Variants in PRELID2 observed in about 807,000 individuals in gnomAD.
The protein encoded by PRELID2 is PRELI domain-containing protein 2.
A neutral mutation model predicts 28.4 loss-of-function variants in PRELID2; 25 were observed. That is an observed-to-expected ratio of 0.88 (90% CI 0.64 to 1.23). The LOEUF (loss-of-function observed/expected upper bound fraction) is 1.23, where lower values mean the gene tolerates loss of function less well. PRELID2 is among the 50% of genes most tolerant of loss of function. The probability of loss-of-function intolerance (pLI) is 0.00; values close to 1 mark genes in which losing one functional copy is unlikely to be tolerated. For missense variants in PRELID2, 201 were observed against 214.4 expected (o/e 0.94, Z 0.39); for synonymous variants, 76 against 71.6 (o/e 1.06, Z -0.31).
chr5:145,495,774 A>C (rs1369387513), intron 1 of PRELID2, among the ~76,000 whole-genome samples: 3 of 152,188 alleles, frequency 2.0e-5, no homozygotes, highest in Non-Finnish European at 4.4e-5. Flanking sequence ...TACTCATTAG[A>C]CTTTGCTGGG....
chr5:145,283,450 T>C, the PRELID2 span, among the ~76,000 whole-genome samples: 1 of 152,210 alleles, frequency 6.6e-6, no homozygotes, highest in Non-Finnish European at 1.5e-5. Flanking sequence ...TGGATGTTTA[T>C]TGGAAATCTG....
chr5:145,242,682 A>T, the PRELID2 span, among the ~76,000 whole-genome samples: 1 of 152,096 alleles, frequency 6.6e-6, no homozygotes, highest in Non-Finnish European at 1.5e-5. Flanking sequence ...CATTTGACCT[A>T]ATCCCAGCTT....
intron 1 of PRELID2, among the ~76,000 whole-genome samples, chr5:145,500,571 T>C (rs1752351213): frequency 6.6e-6 from 1 of 152,178 alleles, no homozygotes; most frequent in Admixed American, 6.5e-5. Flanking sequence ...CTGACATTCA[T>C]CAGCCCACAG....
At chr5:145,306,879 C>T in the PRELID2 span, among the ~76,000 whole-genome samples, 2 of 152,206 alleles carry the variant, frequency 1.3e-5, no homozygotes, top group East Asian at 1.9e-4. Flanking sequence ...AATGTTTATC[C>T]ATATAAATAA....
chr5:145,278,866 A>G, the PRELID2 span, among the ~76,000 whole-genome samples: 2 of 152,170 alleles, frequency 1.3e-5, no homozygotes, highest in Admixed American at 6.6e-5. Context: ...AAAGAAAGAT[A>G]TTTGAAGATC....
At chr5:145,748,920 A>G (rs765310228) in intron 1 of PRELID2, among the ~76,000 whole-genome samples, 1 of 152,228 alleles carries the variant, frequency 6.6e-6, no homozygotes, top group Non-Finnish European at 1.5e-5. Context: ...CTGGCTAGCC[A>G]TATACAGAAA....
chr5:145,485,637 G>T (rs957911787), intron 1 of PRELID2, among the ~76,000 whole-genome samples: 7 of 152,162 alleles, frequency 4.6e-5, no homozygotes, highest in Non-Finnish European at 8.8e-5. Context: ...TAAAATGGCA[G>T]TCTTAACCGC....
chr5:145,312,791 G>A, the PRELID2 span, among the ~76,000 whole-genome samples: 1 of 151,374 alleles, frequency 6.6e-6, no homozygotes, highest in African/African-American at 2.4e-5. Context: ...TCCATATTTT[G>A]ATTATTATGA....
chr5:145,709,659 G>A (rs1230969906), intron 1 of PRELID2, among the ~76,000 whole-genome samples: 1 of 151,132 alleles, frequency 6.6e-6, no homozygotes, highest in African/African-American at 2.4e-5. Context: ...ATAATAACAA[G>A]ACAGGAATTT....
chr5:145,699,299 C>A (rs191396453), intron 1 of PRELID2, among the ~76,000 whole-genome samples: 2 of 151,986 alleles, frequency 1.3e-5, no homozygotes, highest in Non-Finnish European at 2.9e-5. Flanking sequence ...CATGTCAGAA[C>A]GCTGAGGATT....
At chr5:145,469,625 T>C (rs1347277409), downstream of PRELID2, among the ~76,000 whole-genome samples, 2 of 152,068 alleles carry the variant, frequency 1.3e-5, no homozygotes, top group Non-Finnish European at 2.9e-5. Flanking sequence ...ACCGAACTGA[T>C]AGATGGAAGC....
At chr5:145,442,686 A>G in the PRELID2 span, among the ~76,000 whole-genome samples, 1 of 152,126 alleles carries the variant, frequency 6.6e-6, no homozygotes, top group East Asian at 1.9e-4. Context: ...TCTTCAACAT[A>G]ACATTTGTAT....
intron 1 of PRELID2, among the ~76,000 whole-genome samples, chr5:145,478,282 T>C (rs1356022514): frequency 1.3e-5 from 2 of 152,142 alleles, no homozygotes; most frequent in Non-Finnish European, 2.9e-5. Context: ...GTGCAGTGGC[T>C]CACACCTGTA....
At chr5:145,386,325 G>A in the PRELID2 span, among the ~76,000 whole-genome samples, 1 of 152,026 alleles carries the variant, frequency 6.6e-6, no homozygotes, top group Non-Finnish European at 1.5e-5. Context: ...CCATGACACA[G>A]GTGGATTATG....
chr5:145,521,309 A>G (rs1228104738), intron 1 of PRELID2, among the ~76,000 whole-genome samples: 2 of 152,124 alleles, frequency 1.3e-5, no homozygotes, highest in Non-Finnish European at 2.9e-5. Flanking sequence ...CATCTATCCC[A>G]GAGTCTTAGC....
At chr5:145,721,087 G>T (rs1465355145) in intron 1 of PRELID2, among the ~76,000 whole-genome samples, 1 of 151,782 alleles carries the variant, frequency 6.6e-6, no homozygotes, top group Non-Finnish European at 1.5e-5. Context: ...TCACATTTTT[G>T]CAAATCCCTT....
At chr5:145,392,553 G>C in the PRELID2 span, among the ~76,000 whole-genome samples, 1 of 152,078 alleles carries the variant, frequency 6.6e-6, no homozygotes, top group African/African-American at 2.4e-5. Context: ...GGGCATTTAA[G>C]TAAATAATAT....
chr5:145,260,854 T>C, the PRELID2 span, among the ~76,000 whole-genome samples: 1 of 152,178 alleles, frequency 6.6e-6, no homozygotes, highest in Non-Finnish European at 1.5e-5. Context: ...GCAGGCTCCA[T>C]GGGACAGCTG....
intron 4 of PRELID2, among the ~76,000 whole-genome samples, chr5:145,811,485 G>A (rs983848778): frequency 2.6e-5 from 4 of 152,084 alleles, no homozygotes; most frequent in Admixed American, 2.6e-4. Context: ...ACAAAGTCTT[G>A]GTATGTCACC....
Sources: allele counts gnomAD v4.1 joint callset (sites outside exome capture counted in the v4.1 genomes callset), GRCh38; gene constraint gnomAD v4.1.1; transcripts MANE v1.5; gene names NCBI Gene and HGNC (gene_info 2026-07-23, HGNC 2026-07-21).